PPP1R12B: variants seen among roughly 807,000 people sequenced by gnomAD.
PPP1R12B encodes the protein protein phosphatase 1 regulatory subunit 12B, also known as myosin phosphatase target subunit 2.
PPP1R12B carries 76 observed loss-of-function variants against 126.1 expected under a neutral mutation model. The ratio of observed to expected loss-of-function variants is 0.60; its 90% CI spans 0.50 to 0.73. The LOEUF is 0.73. Among genes scored for constraint, PPP1R12B ranks in the 30% least tolerant of loss-of-function variants. PPP1R12B has a pLI of 0.00. For missense variants in PPP1R12B, 1,052 were observed against 1,205.1 expected, an observed-to-expected ratio of 0.87 and a Z score of 1.88; for synonymous variants, 356 against 434.7, an observed-to-expected ratio of 0.82 and a Z score of 2.25.
chr1:202,513,633 T>G (rs1033533638), intron 18 of PPP1R12B, among the ~76,000 whole-genome samples: 7 of 152,214 alleles, frequency 4.6e-5, no homozygotes, highest in African/African-American at 1.7e-4. Context: ...CAAGGTTAAC[T>G]TTTAGAGCAG....
chr1:202,510,136 G>A (rs201529739), intron 18 of PPP1R12B, among the ~76,000 whole-genome samples: 2 of 152,280 alleles, frequency 1.3e-5, no homozygotes, highest in East Asian at 3.9e-4. Context: ...TAGTACTTTG[G>A]ACTAAAACTA....
At chr1:202,434,390 A>G (rs1156885692) in intron 8 of PPP1R12B, among the ~76,000 whole-genome samples, 1 of 152,218 alleles carries the variant, frequency 6.6e-6, no homozygotes, top group South Asian at 2.1e-4. Flanking sequence ...TGGATTTTAT[A>G]TATGATATAA....
At chr1:202,575,070 G>T in intron 23 of PPP1R12B, 2 of 1,613,592 alleles carry the variant, frequency 1.2e-6, no homozygotes, top group Non-Finnish European at 1.7e-6. Flanking sequence ...CTGAGAACAG[G>T]GCCCTGACCC....
At chr1:202,468,346 T>G (rs1675339150) in intron 13 of PPP1R12B, among the ~76,000 whole-genome samples, 1 of 152,218 alleles carries the variant, frequency 6.6e-6, no homozygotes. Flanking sequence ...TCTAGGGTTT[T>G]TATGGTTTTA....
intron 9 of PPP1R12B, 53 bp downstream of exon 9, chr1:202,434,821 A>G: frequency 6.2e-7 from 1 of 1,602,638 alleles, no homozygotes; most frequent in Non-Finnish European, 8.5e-7. Context: ...CTGCAGTAGC[A>G]CACATCTAGA....
intron 18 of PPP1R12B, among the ~76,000 whole-genome samples, chr1:202,503,758 G>A (rs192157749): frequency 3.3e-4 from 50 of 151,254 alleles, no homozygotes; most frequent in Admixed American, 5.3e-4. Context: ...ACAATAGGCA[G>A]TTTTATCATT....
At chr1:202,350,197 C>G (rs935634371) in intron 1 of PPP1R12B, among the ~76,000 whole-genome samples, 20 of 152,156 alleles carry the variant, frequency 1.3e-4, no homozygotes, top group Non-Finnish European at 2.9e-4. Context: ...TGTTTGCAAC[C>G]CTTCTATTTC....
intron 1 of PPP1R12B, among the ~76,000 whole-genome samples, chr1:202,373,682 G>A (rs1194565638): frequency 6.6e-6 from 1 of 150,504 alleles, no homozygotes; most frequent in Admixed American, 6.6e-5. Flanking sequence ...TTCCTTTAAC[G>A]AGAATGTCAC....
intron 15 of PPP1R12B, 111 bp from the exon 16 acceptor site, chr1:202,495,182 C>A: frequency 1.2e-6 from 1 of 816,416 alleles, no homozygotes; most frequent in Non-Finnish European, 1.8e-6. Context: ...TATTGATCAT[C>A]ATCTACTCAT....
intron 18 of PPP1R12B, among the ~76,000 whole-genome samples, chr1:202,527,655 C>G (rs1310328070): frequency 6.6e-6 from 1 of 152,076 alleles, no homozygotes; most frequent in Non-Finnish European, 1.5e-5. Flanking sequence ...GTCCCGTAAC[C>G]TTTAAAGAAA....
At chr1:202,412,011 G>A (rs566995300) in intron 1 of PPP1R12B, among the ~76,000 whole-genome samples, 1 of 152,330 alleles carries the variant, frequency 6.6e-6, no homozygotes, top group African/African-American at 2.4e-5. Context: ...TGGAGGGTAT[G>A]GGGAATGATT....
chr1:202,538,789 T>C (rs1349148741), intron 18 of PPP1R12B, among the ~76,000 whole-genome samples: 1 of 152,216 alleles, frequency 6.6e-6, no homozygotes, highest in Non-Finnish European at 1.5e-5. Context: ...ACTATGCAAA[T>C]AAATTCCTCT....
chr1:202,439,573 C>A, intron 10 of PPP1R12B: 1 of 1,414,078 alleles, frequency 7.1e-7, no homozygotes, highest in Non-Finnish European at 9.8e-7. Flanking sequence ...AACTGACCAC[C>A]CAGGTGGCCG....
At chr1:202,351,691 A>G (rs1656040216) in intron 1 of PPP1R12B, among the ~76,000 whole-genome samples, 1 of 152,226 alleles carries the variant, frequency 6.6e-6, no homozygotes, top group Non-Finnish European at 1.5e-5. Context: ...TAAAATGTCC[A>G]TTTGTTATAC....
chr1:202,499,685 A>C (rs1679988468), intron 18 of PPP1R12B, among the ~76,000 whole-genome samples: 1 of 152,250 alleles, frequency 6.6e-6, no homozygotes, highest in Non-Finnish European at 1.5e-5. Flanking sequence ...AAGATTTCAA[A>C]AGAAGATTGT....
rs1021267452 is a variant in PPP1R12B at position 202,462,996 on chromosome 1, G to A, written c.1850+13825G>A. ...TGGGTGTTCTGGGGAATTGAGACAAGCCTCTGCCATAGTTTGTTAGTACTC... is the reference window on the plus strand; with the variant it reads ...TGGGTGTTCTGGGGAATTGAGACAAACCTCTGCCATAGTTTGTTAGTACTC... On this transcript the variant is annotated intron_variant, in intron 13 of 23. Coordinates refer to ENST00000608999, the MANE Select transcript of PPP1R12B (RefSeq NM_002481.4). 6.1e-6 allele frequency: 6 copies of A among 985,338 alleles called. No individual in the cohort carries two copies. The African/African-American group carries it at 7.0e-5, about 11-fold the overall frequency. The allele number at this position is 985,338 out of a possible 1,614,324, so 61.0% of individuals were successfully genotyped here.
chr1:202,368,929 A>G (rs1180683029), intron 1 of PPP1R12B, among the ~76,000 whole-genome samples: 2 of 152,134 alleles, frequency 1.3e-5, no homozygotes, highest in African/African-American at 2.4e-5. Flanking sequence ...AGGTCTCTCT[A>G]TGTGGTCCAA....
At chr1:202,500,543 C>T (rs1410092812) in intron 18 of PPP1R12B, among the ~76,000 whole-genome samples, 1 of 151,982 alleles carries the variant, frequency 6.6e-6, no homozygotes, top group Non-Finnish European at 1.5e-5. Flanking sequence ...AAAAGTTGAG[C>T]TCATAGAAGT....
chr1:202,402,351 C>T (rs971674416), intron 1 of PPP1R12B, among the ~76,000 whole-genome samples: 4 of 152,158 alleles, frequency 2.6e-5, no homozygotes. Context: ...TATTTGTGAT[C>T]TCAAGGGATG....
Sources: allele counts gnomAD v4.1 joint callset (sites outside exome capture counted in the v4.1 genomes callset), GRCh38; gene constraint gnomAD v4.1.1; transcripts MANE v1.5; gene names NCBI Gene and HGNC (gene_info 2026-07-23, HGNC 2026-07-21).